Variants in SUPT6H observed in about 807,000 individuals in gnomAD.
The protein encoded by SUPT6H is transcription elongation factor SPT6.
In SUPT6H, 11 loss-of-function variants were observed where a neutral mutation model predicts 222.3. The ratio of observed to expected loss-of-function variants is 0.05; its 90% CI spans 0.03 to 0.08. The LOEUF (loss-of-function observed/expected upper bound fraction) is 0.08. SUPT6H is among the 10% of genes least tolerant of loss of function. The pLI is 1.00. For missense variants in SUPT6H, 1,422 were observed against 2,216.0 expected (o/e 0.64, Z 7.19); for synonymous variants, 762 against 801.2 (o/e 0.95, Z 0.83).
intron 11 of SUPT6H, 55 bp downstream of exon 11, chr17:28,679,018 C>G: frequency 6.2e-7 from 1 of 1,608,114 alleles, no homozygotes; most frequent in Non-Finnish European, 8.5e-7. Flanking sequence ...CCAAGGCTGG[C>G]CCTGCAGGAG....
intron 1 of SUPT6H, among the ~76,000 whole-genome samples, 198 bp from the exon 2 acceptor site, chr17:28,673,173 T>C (rs182811407): frequency 6.8e-6 from 1 of 148,086 alleles, no homozygotes; most frequent in East Asian, 2.0e-4. Context: ...AAAAAGTACA[T>C]ATGAGAGAAG....
At chr17:28,671,668 C>G (rs2030425347) in intron 1 of SUPT6H, among the ~76,000 whole-genome samples, 1 of 152,150 alleles carries the variant, frequency 6.6e-6, no homozygotes, top group Non-Finnish European at 1.5e-5. Context: ...AGTCTGAAAG[C>G]AGGGAAGTAG....
intron 11 of SUPT6H, among the ~76,000 whole-genome samples, chr17:28,680,856 C>A (rs866701553): frequency 5.9e-5 from 9 of 152,174 alleles, no homozygotes; most frequent in Non-Finnish European, 5.9e-5. Flanking sequence ...ACCGTGTTAG[C>A]CAGGATGGTC....
rs750690330 is a variant in SUPT6H at position 28,678,982 on chromosome 17, A to G, written c.1349+19A>G. ...TGGAGAGGTAAAACATGCGGTGTTT[A>G]TTCCATTATGGGAAGCCCTCAGACC... is the stretch of plus-strand genomic sequence containing the variant. On this transcript the variant is annotated intron_variant, in intron 11 of 36. Coordinates refer to ENST00000314616, the MANE Select transcript of SUPT6H (RefSeq NM_003170.5). 6.2e-7 allele frequency: 1 copy of G among 1,614,038 alleles called. No individual in the cohort carries two copies. The highest frequency in any genetic ancestry group is 8.5e-7 in the Non-Finnish European group (1 of 1,179,944).
rs1178505927 is a variant in SUPT6H at position 28,690,832 on chromosome 17, G to A, written c.3491-89G>A. Reference sequence around the variant, plus strand: ...TTCCCTCTTCAAGGATGGGAAGGAAGTCAGATATTCTGTCACTGAAAGGCT... The same window carrying A: ...TTCCCTCTTCAAGGATGGGAAGGAAATCAGATATTCTGTCACTGAAAGGCT... On this transcript the variant is annotated intron_variant, in intron 26 of 36. Coordinates refer to ENST00000314616, the MANE Select transcript of SUPT6H (RefSeq NM_003170.5). 9 of 1,436,762 alleles carry A rather than the reference G, an allele frequency of 6.3e-6. No homozygotes were observed. In the Middle Eastern group the frequency reaches 7.7e-4, roughly 123 times the overall value. The allele number at this position is 1,436,762 out of a possible 1,614,324, so 89.0% of individuals were successfully genotyped here. A position where few individuals can be genotyped will look rare whatever the true frequency, so the allele number is the denominator to read the frequency against.
At chr17:28,672,405 T>C (rs1337156204) in intron 1 of SUPT6H, among the ~76,000 whole-genome samples, 3 of 151,848 alleles carry the variant, frequency 2.0e-5, no homozygotes, top group Non-Finnish European at 4.4e-5. Flanking sequence ...TTTTCTTTTT[T>C]TCTTTTCTTT....
rs1597696215 is a variant in SUPT6H at position 28,677,718 on chromosome 17, C to T, written c.901C>T (p.Arg301Cys). ...ATDLPERFQL[R>C]SIPVKGAEDD... ...CCTGTTGTCTTATCCACTCCAGCTCCGCTCCATCCCAGTCAAGGGGGCTGA... is the reference window on the plus strand; with the variant it reads ...CCTGTTGTCTTATCCACTCCAGCTCTGCTCCATCCCAGTCAAGGGGGCTGA... Residue 301 changes from arginine to cysteine, a missense_variant, in exon 8 of 37, where the codon CGC (arginine) becomes TGC (cysteine). Around this residue, in one of 13 missense-constraint regions of SUPT6H, gnomAD observed 389 missense variants for 544.6 expected, o/e 0.71. Coordinates refer to ENST00000314616, the MANE Select transcript of SUPT6H (RefSeq NM_003170.5). 8 of 1,613,698 alleles carry T rather than the reference C, an allele frequency of 5.0e-6. No homozygotes were observed. Among genetic ancestry groups the T allele is most frequent in the African/African-American group, 1.3e-5 (1 of 74,910 alleles).
intron 1 of SUPT6H, among the ~76,000 whole-genome samples, chr17:28,666,354 T>G (rs1278727285): frequency 6.6e-6 from 1 of 152,298 alleles, no homozygotes; most frequent in East Asian, 1.9e-4. Context: ...TTTGGCCCTA[T>G]AGAGAAAAGG....
At chr17:28,685,585 G>A (rs1326501620) in intron 19 of SUPT6H, among the ~76,000 whole-genome samples, 1 of 151,764 alleles carries the variant, frequency 6.6e-6, no homozygotes, top group Non-Finnish European at 1.5e-5. Context: ...TGCTTCCCAG[G>A]CTCAAGTGAT....
At chr17:28,700,318 G>A (rs1269753048) in intron 34 of SUPT6H, 28 bp from the exon 35 acceptor site, 1 of 1,613,894 alleles carries the variant, frequency 6.2e-7, no homozygotes, top group East Asian at 2.2e-5. Flanking sequence ...CCTCTAACAT[G>A]CCCCTCCCCA....
intron 27 of SUPT6H, 98 bp from the exon 28 acceptor site, chr17:28,693,598 A>G: frequency 7.0e-7 from 1 of 1,420,890 alleles, no homozygotes; most frequent in African/African-American, 1.4e-5. Flanking sequence ...GCAAGGTGTC[A>G]ATGGTAAAAG....
chr17:28,677,619 A>G, intron 7 of SUPT6H, 96 bp from the exon 8 acceptor site: 1 of 825,122 alleles, frequency 1.2e-6, no homozygotes, highest in South Asian at 1.5e-5. Context: ...GGAAATGTGC[A>G]CTTGATGATC....
chr17:28,678,738 A>T, intron 10 of SUPT6H, 83 bp from the exon 11 acceptor site: 3 of 1,610,904 alleles, frequency 1.9e-6, no homozygotes, highest in Non-Finnish European at 2.5e-6. Flanking sequence ...GTCCTCCCCC[A>T]CTAGGTTTCT....
At chr17:28,664,447 G>T (rs2029901933) in intron 1 of SUPT6H, among the ~76,000 whole-genome samples, 1 of 152,250 alleles carries the variant, frequency 6.6e-6, no homozygotes, top group African/African-American at 2.4e-5. Context: ...CAGAGGTGCA[G>T]TGAGCAGAGA....
chr17:28,674,637 G>A, intron 4 of SUPT6H, 24 bp downstream of exon 4: 1 of 1,608,986 alleles, frequency 6.2e-7, no homozygotes, highest in East Asian at 2.2e-5. Context: ...TTTGTCTTTT[G>A]TCCCTGGGGG....
At chr17:28,682,051 G>C in intron 13 of SUPT6H, 71 bp downstream of exon 13, 1 of 1,296,514 alleles carries the variant, frequency 7.7e-7, no homozygotes, top group Non-Finnish European at 1.1e-6. Context: ...AAAAAGACTG[G>C]TAGGTAGGAA....
chr17:28,689,937 C>A, intron 25 of SUPT6H, 145 bp from the exon 26 acceptor site: 1 of 1,118,442 alleles, frequency 8.9e-7, no homozygotes, highest in Non-Finnish European at 1.3e-6. Flanking sequence ...TGAAAACCAC[C>A]TTTAGTAAAT....
chr17:28,691,262 C>G (rs889583142), intron 27 of SUPT6H, 199 bp downstream of exon 27: 2 of 696,476 alleles, frequency 2.9e-6, no homozygotes, highest in African/African-American at 1.8e-5. Context: ...CACGGTGGCT[C>G]ACGCCTATAA....
intron 1 of SUPT6H, among the ~76,000 whole-genome samples, chr17:28,667,028 G>A (rs2030065973): frequency 6.6e-6 from 1 of 151,702 alleles, no homozygotes; most frequent in African/African-American, 2.4e-5. Context: ...TTTAGGTTTT[G>A]AAATTCCAAA....
Sources: gnomAD v4.1 joint callset for allele counts (sites outside exome capture counted in the v4.1 genomes callset) on GRCh38, gnomAD v4.1.1 for gene constraint, gnomAD v4.1.1 regional missense constraint, MANE v1.5 for transcripts, NCBI Gene and HGNC (gene_info 2026-07-23, HGNC 2026-07-21) for gene names.